The following LRRC49 variants were observed in gnomAD, a reference collection of about 807,000 sequenced individuals.
LRRC49 encodes leucine rich repeat containing 49, also known as leucine-rich repeat-containing protein 49.
A neutral mutation model predicts 83.3 loss-of-function variants in LRRC49; 50 were observed. That is an observed-to-expected ratio of 0.60 (90% CI 0.48 to 0.76). The LOEUF (loss-of-function observed/expected upper bound fraction) is 0.76, where lower values mean the gene tolerates loss of function less well. Ranked by LOEUF, LRRC49 falls within the 30% of genes least tolerant of loss-of-function variation. The pLI is 0.00. For missense variants in LRRC49, 704 were observed against 809.1 expected, an observed-to-expected ratio of 0.87 and a Z score of 1.58; for synonymous variants, 286 against 283.3, an observed-to-expected ratio of 1.01 and a Z score of -0.10.
intron 15 of LRRC49, among the ~76,000 whole-genome samples, chr15:71,041,780 TA>T (rs1323554304): frequency 3.3e-5 from 5 of 151,902 alleles, no homozygotes; most frequent in African/African-American, 1.2e-4. Context: ...TGTGGAAAAA[TA>T]AACATAATTA....
Position 70,969,937 on chromosome 15 carries a change from A to T in LRRC49, c.921+6005A>T, listed in dbSNP as rs556045829. Among the ~76,000 whole-genome samples, 4 of 151,914 alleles carry T rather than the reference A, an allele frequency of 2.6e-5. No homozygotes were observed. In the South Asian group the frequency reaches 8.3e-4, roughly 32 times the overall value. On this transcript the variant is annotated intron_variant, in intron 9 of 15. Transcript: ENST00000260382. ...ATCATCTGCAAACAGAGATAATCTG[A>T]CTCCTGTCTTCCTATCTGAATACCC...
At chr15:70,985,933 T>C (rs1335406198) in intron 11 of LRRC49, among the ~76,000 whole-genome samples, 1 of 144,600 alleles carries the variant, frequency 6.9e-6, no homozygotes, top group African/African-American at 2.5e-5. Context: ...AAAGATCAGA[T>C]AGTTGTAGAT....
At chr15:70,867,833 G>A (rs956655393) in intron 1 of LRRC49, among the ~76,000 whole-genome samples, 4 of 152,152 alleles carry the variant, frequency 2.6e-5, no homozygotes, top group Admixed American at 6.5e-5. Context: ...ATCTTGTCAC[G>A]CATTTCTTTG....
chr15:70,931,022 C>T (rs2035386714), intron 7 of LRRC49, among the ~76,000 whole-genome samples: 1 of 152,094 alleles, frequency 6.6e-6, no homozygotes, highest in Non-Finnish European at 1.5e-5. Flanking sequence ...TGATTTTCTC[C>T]AAGAACTTTT....
intron 14 of LRRC49, among the ~76,000 whole-genome samples, chr15:71,027,047 G>T (rs549760411): frequency 6.6e-6 from 1 of 152,176 alleles, no homozygotes; most frequent in African/African-American, 2.4e-5. Context: ...TATTGCCTAG[G>T]TTTTCTTCTA....
In LRRC49 at chr15:70,883,492, C is replaced by A. The variant is rs910236530; in HGVS notation, c.19-10092C>A. ...TACAGGCGTGAGGCACCTCGCCCAA[C>A]CAAGATGATACTATCAGTATTAACT... On this transcript the variant is annotated intron_variant, in intron 2 of 16. Coordinates refer to the LRRC49 transcript ENST00000544974. Among the ~76,000 whole-genome samples the A allele has an allele frequency of 8.5e-5, 13 of 152,140 alleles. No homozygotes were observed. The South Asian group carries it at 2.1e-3, about 24-fold the overall frequency.
intron 10 of LRRC49, among the ~76,000 whole-genome samples, chr15:70,982,303 C>A (rs1485543406): frequency 6.6e-6 from 1 of 152,140 alleles, no homozygotes; most frequent in African/African-American, 2.4e-5. Context: ...CATTAACTCA[C>A]TGCCCTGGCC....
At chr15:70,867,198 G>A (rs913936751) in intron 1 of LRRC49, among the ~76,000 whole-genome samples, 8 of 151,882 alleles carry the variant, frequency 5.3e-5, no homozygotes, top group South Asian at 2.1e-4. Context: ...CCTTTGTGAC[G>A]GGAATCCTCA....
intron 9 of LRRC49, among the ~76,000 whole-genome samples, chr15:70,970,129 T>G (rs922950267): frequency 1.3e-5 from 2 of 152,224 alleles, no homozygotes; most frequent in Non-Finnish European, 2.9e-5. Flanking sequence ...TAAATAGCTC[T>G]TATTATTTTG....
At position 70,853,877 on chromosome 15, in the gene LRRC49, C is replaced by T. The variant is rs889157279; in HGVS notation, c.-299+408C>T. On this transcript the variant is annotated intron_variant, in intron 1 of 16. Coordinates refer to the LRRC49 transcript ENST00000544974. ...CTCGGGGCCCACCTCCCGGGCCAGC[C>T]GCCGCGCCTACCTGTGCCCGCGGCT... 38 of 1,267,250 alleles carry T rather than the reference C, an allele frequency of 3.0e-5. 1 individual carries two copies. The Middle Eastern group carries it at 1.8e-3, about 61-fold the overall frequency. 78.5% of individuals were successfully genotyped at this position (1,267,250 alleles called of 1,614,324 possible). A position where few individuals can be genotyped will look rare whatever the true frequency, so the allele number is the denominator to read the frequency against.
At chr15:70,870,953 T>TC (rs879548345) in intron 1 of LRRC49, among the ~76,000 whole-genome samples, 1 of 150,330 alleles carries the variant, frequency 6.7e-6, no homozygotes, top group Non-Finnish European at 1.5e-5. Context: ...TAGTTTTTTT[T>TC]TTTTTTTTTT....
upstream of LRRC49, among the ~76,000 whole-genome samples, chr15:70,890,398 A>G (rs1334305422): frequency 6.6e-6 from 1 of 152,232 alleles, no homozygotes; most frequent in Non-Finnish European, 1.5e-5. Context: ...AAATTCAATT[A>G]TAATGCAAAA....
Position 70,930,441 on chromosome 15 carries a change from A to G in LRRC49, c.712-6320A>G, listed in dbSNP as rs537262155. On this transcript the variant is annotated intron_variant, in intron 7 of 15. Transcript: ENST00000260382. The stretch of plus-strand genomic sequence containing the variant: ...AACTTTGTTGTTCTGTTTATAGAGC[A>G]CAGGCACAGTAGATTTAGCACAATT... Among the ~76,000 whole-genome samples, 3 of 152,356 alleles carry G rather than the reference A, an allele frequency of 2.0e-5. No individual in the cohort carries two copies. In the East Asian group the frequency reaches 5.8e-4, roughly 29 times the overall value.
chr15:70,871,988 C>A (rs551229733), intron 1 of LRRC49, among the ~76,000 whole-genome samples: 1 of 152,146 alleles, frequency 6.6e-6, no homozygotes, highest in South Asian at 2.1e-4. Context: ...ACTTCCCAGA[C>A]GGGATGGCGG....
At chr15:71,004,313 A>G (rs1179532704) in intron 11 of LRRC49, among the ~76,000 whole-genome samples, 1 of 152,194 alleles carries the variant, frequency 6.6e-6, no homozygotes, top group East Asian at 1.9e-4. Flanking sequence ...ATAAAGACAC[A>G]TGCACATGTA....
chr15:70,948,054 C>G (rs2036072453), intron 8 of LRRC49, among the ~76,000 whole-genome samples: 1 of 152,084 alleles, frequency 6.6e-6, no homozygotes, highest in East Asian at 1.9e-4. Context: ...AATGTTAGAA[C>G]TAGCTAACTC....
At chr15:70,878,241 T>G (rs2033193352) in intron 2 of LRRC49, among the ~76,000 whole-genome samples, 1 of 152,238 alleles carries the variant, frequency 6.6e-6, no homozygotes, top group South Asian at 2.1e-4. Context: ...CAATTGTTCA[T>G]TGTTAGCATA....
chr15:70,912,967 G>A (rs1256062575), intron 6 of LRRC49, among the ~76,000 whole-genome samples: 5 of 152,076 alleles, frequency 3.3e-5, no homozygotes, highest in South Asian at 2.1e-4. Context: ...ATGAGCCACC[G>A]TGCCCAGCTC....
Position 70,900,995 on chromosome 15 carries a change from T to A in LRRC49, c.267T>A (p.Ile89=). 6.2e-7 allele frequency: 1 copy of A among 1,610,384 alleles called. No homozygotes were observed. The highest frequency in any genetic ancestry group is 8.5e-7 in the Non-Finnish European group (1 of 1,177,896). The change falls in exon 4 of 16, where the codon ATT becomes ATA. Residue 89 remains isoleucine, a synonymous_variant. Transcript: ENST00000260382. ...PILQRSSEEK[I]LYSDRLSLER... is the part of the protein sequence containing the mutation. Reference sequence around the variant, plus strand: ...TTCAACGTTCTTCTGAAGAGAAAATTCTTTACTCAGACAGGTTGAGCCTAG... The same window carrying A: ...TTCAACGTTCTTCTGAAGAGAAAATACTTTACTCAGACAGGTTGAGCCTAG...
Sources: gnomAD v4.1 joint callset for allele counts (sites outside exome capture counted in the v4.1 genomes callset) on GRCh38, gnomAD v4.1.1 for gene constraint, MANE v1.5 for transcripts, NCBI Gene and HGNC (gene_info 2026-07-23, HGNC 2026-07-21) for gene names.